ZNF423: variants seen among roughly 807,000 people sequenced by gnomAD.
ZNF423 encodes zinc finger protein 423, also known as Ebf-associated zinc finger protein.
In ZNF423, 12 loss-of-function variants were observed where a neutral mutation model predicts 95.8. That is an observed-to-expected ratio of 0.13 (90% CI 0.08 to 0.20). The LOEUF is 0.20. Ranked by LOEUF, ZNF423 falls within the 10% of genes least tolerant of loss-of-function variation. ZNF423 has a pLI of 1.00. For synonymous variants in ZNF423, 749 were observed against 711.9 expected, an observed-to-expected ratio of 1.05 and a Z score of -0.83; for missense variants, 1,316 against 1,737.1, an observed-to-expected ratio of 0.76 and a Z score of 4.31.
chr16:49,509,505 C>T (rs1250516986), intron 7 of ZNF423, among the ~76,000 whole-genome samples: 2 of 152,180 alleles, frequency 1.3e-5, no homozygotes, highest in African/African-American at 2.4e-5. Context: ...TATTGGCGCA[C>T]GGCTGCTGAC....
intron 4 of ZNF423, among the ~76,000 whole-genome samples, chr16:49,630,174 C>T (rs1972450425): frequency 3.9e-5 from 6 of 152,120 alleles, no homozygotes; most frequent in Admixed American, 3.9e-4. Context: ...CTGGGGAGTC[C>T]AGCCTTGCCA....
chr16:49,819,676 T>C (rs972700084), intron 1 of ZNF423, among the ~76,000 whole-genome samples: 1 of 152,172 alleles, frequency 6.6e-6, no homozygotes, highest in Non-Finnish European at 1.5e-5. Flanking sequence ...CTCAAACTCC[T>C]GACCTCAGGT....
intron 3 of ZNF423, among the ~76,000 whole-genome samples, chr16:49,691,207 T>C (rs2031767312): frequency 6.6e-6 from 1 of 152,254 alleles, no homozygotes; most frequent in African/African-American, 2.4e-5. Context: ...TCTTCGAAGT[T>C]TCCAACTTGT....
At chr16:49,854,591 C>T (rs558306014) in intron 1 of ZNF423, 1 of 985,440 alleles carries the variant, frequency 1.0e-6, no homozygotes, top group African/African-American at 1.7e-5. Flanking sequence ...TCATCGTTCC[C>T]CCCTTCCTCG....
chr16:49,522,800 A>G (rs191976452), intron 7 of ZNF423, among the ~76,000 whole-genome samples: 1 of 152,216 alleles, frequency 6.6e-6, no homozygotes, highest in East Asian at 1.9e-4. Flanking sequence ...GTGTGATGCT[A>G]TGGTCCAGGT....
intron 3 of ZNF423, among the ~76,000 whole-genome samples, chr16:49,657,957 C>T (rs1297214069): frequency 6.6e-6 from 1 of 152,242 alleles, no homozygotes; most frequent in Non-Finnish European, 1.5e-5. Flanking sequence ...CCGTCAGGGT[C>T]TGTGTCCTAT....
rs1301751141 is a variant in ZNF423 at position 49,856,058 on chromosome 16, C to A, written c.-284G>T. ...GGCAGTCCGGGGCTCCCGATCCAAG[C>A]GGCGGTCCCAGCGGCGCGGGGAGTC... On this transcript the variant is annotated 5_prime_UTR_variant, in exon 1 of 8. Coordinates refer to ENST00000563137, the MANE Select transcript of ZNF423 (RefSeq NM_001379286.1). The A allele has an allele frequency of 7.7e-6, 1 of 130,014 alleles. No homozygotes were observed. The highest frequency in any genetic ancestry group is 1.6e-5 in the Non-Finnish European group (1 of 63,450). 8.1% of individuals were successfully genotyped at this position (130,014 alleles called of 1,614,324 possible). A position where few individuals can be genotyped will look rare whatever the true frequency, so the allele number is the denominator to read the frequency against.
chr16:49,705,537 G>A (rs946169112), intron 3 of ZNF423, among the ~76,000 whole-genome samples: 1 of 152,146 alleles, frequency 6.6e-6, no homozygotes, highest in African/African-American at 2.4e-5. Flanking sequence ...TCCACAGTGA[G>A]TTTATTTTAT....
chr16:49,653,821 CT>C (rs1973504296), intron 3 of ZNF423, among the ~76,000 whole-genome samples: 1 of 152,248 alleles, frequency 6.6e-6, no homozygotes, highest in Non-Finnish European at 1.5e-5. Context: ...GTCATCCTCC[CT>C]GACTTCAGGG....
chr16:49,716,346 G>A (rs1297481905), intron 3 of ZNF423, among the ~76,000 whole-genome samples: 1 of 152,104 alleles, frequency 6.6e-6, no homozygotes, highest in African/African-American at 2.4e-5. Context: ...AGCCCTTGGA[G>A]AGGCTGAGAC....
chr16:49,559,369 C>T (rs1029444376), intron 5 of ZNF423, among the ~76,000 whole-genome samples: 1 of 152,204 alleles, frequency 6.6e-6, no homozygotes, highest in Non-Finnish European at 1.5e-5. Flanking sequence ...GTATGGTGGG[C>T]TGGAGCATCA....
intron 2 of ZNF423, among the ~76,000 whole-genome samples, chr16:49,750,343 T>G (rs1330600862): frequency 2.0e-5 from 3 of 152,184 alleles, no homozygotes; most frequent in African/African-American, 7.2e-5. Context: ...AGGGGCCAAG[T>G]CAGGGGTTTC....
intron 3 of ZNF423, among the ~76,000 whole-genome samples, chr16:49,691,527 T>C (rs2031780898): frequency 6.6e-6 from 1 of 151,964 alleles, no homozygotes; most frequent in Non-Finnish European, 1.5e-5. Context: ...GATCAGGAGA[T>C]CGAGAACATC....
intron 1 of ZNF423, among the ~76,000 whole-genome samples, chr16:49,806,306 G>A (rs2034662788): frequency 6.6e-6 from 1 of 152,228 alleles, no homozygotes; most frequent in Non-Finnish European, 1.5e-5. Context: ...CCTGACAGTG[G>A]GCACATCAGC....
intron 2 of ZNF423, among the ~76,000 whole-genome samples, chr16:49,786,015 C>T (rs2034305230): frequency 6.6e-6 from 1 of 152,192 alleles, no homozygotes; most frequent in Non-Finnish European, 1.5e-5. Context: ...AGAACTCCTC[C>T]AGCTCCACAC....
At chr16:49,498,125 A>G (rs1480517242) in intron 7 of ZNF423, among the ~76,000 whole-genome samples, 2 of 152,334 alleles carry the variant, frequency 1.3e-5, no homozygotes, top group East Asian at 3.9e-4. Flanking sequence ...GATCGCTGCT[A>G]ACACTGATGG....
chr16:49,606,050 C>T (rs1481385980), intron 5 of ZNF423, among the ~76,000 whole-genome samples: 1 of 152,192 alleles, frequency 6.6e-6, no homozygotes, highest in Non-Finnish European at 1.5e-5. Context: ...GTCACAGCCG[C>T]GTGCACCTGC....
At chr16:49,513,648 T>TGGAC (rs1597028514) in intron 7 of ZNF423, among the ~76,000 whole-genome samples, 2 of 125,038 alleles carry the variant, frequency 1.6e-5, no homozygotes, top group African/African-American at 6.4e-5. Flanking sequence ...GATGGATGGA[T>TGGAC]GGATGGATGG....
intron 2 of ZNF423, among the ~76,000 whole-genome samples, chr16:49,731,924 A>C (rs775765045): frequency 6.6e-6 from 1 of 152,242 alleles, no homozygotes; most frequent in Non-Finnish European, 1.5e-5. Context: ...TGTGCTTAGC[A>C]CTGTGCAGAG....
Sources: allele counts gnomAD v4.1 joint callset (sites outside exome capture counted in the v4.1 genomes callset), GRCh38; gene constraint gnomAD v4.1.1; transcripts MANE v1.5; gene names NCBI Gene and HGNC (gene_info 2026-07-23, HGNC 2026-07-21).